SYT17: variants seen among roughly 807,000 people sequenced by gnomAD.
SYT17 encodes the protein synaptotagmin-17.
A neutral mutation model predicts 46.7 loss-of-function variants in SYT17; 22 were observed. The ratio of observed to expected loss-of-function variants is 0.47; its 90% CI spans 0.34 to 0.67. SYT17 has a LOEUF of 0.67. SYT17 is among the 30% of genes least tolerant of loss of function. The pLI is 0.01. For synonymous variants in SYT17, 251 were observed against 248.4 expected (o/e 1.01, Z -0.10); for missense variants, 519 against 612.8 (o/e 0.85, Z 1.62).
rs11379176 is a variant in SYT17 at position 19,267,107 on chromosome 16, T to TA, written c.*47dup. The TA allele has an allele frequency of 0.097, 124,208 of 1,281,826 alleles. 2,892 individuals carry two copies. The highest frequency in any genetic ancestry group is 0.33 in the African/African-American group (20,053 of 60,834). The allele number at this position is 1,281,826 out of a possible 1,614,324, so 79.4% of individuals were successfully genotyped here. The stretch of plus-strand genomic sequence containing the variant: ...GCAGGGAAGGCAGCTTTCATTTGTT[T>TA]AAAAAAAAAAAAAAAAGACGGAAAA... On this transcript the variant is annotated 3_prime_UTR_variant, in exon 8 of 8. Coordinates refer to ENST00000355377, the MANE Select transcript of SYT17 (RefSeq NM_016524.4).
intron 7 of SYT17, among the ~76,000 whole-genome samples, chr16:19,247,525 AC>A (rs545697458): frequency 0.02 from 3,040 of 152,306 alleles, 113 homozygotes; most frequent in African/African-American, 0.069. Context: ...AGCCACTGCA[AC>A]CAGCCAGTGG....
At chr16:19,210,701 A>G (rs1196848596) in intron 5 of SYT17, among the ~76,000 whole-genome samples, 1 of 152,182 alleles carries the variant, frequency 6.6e-6, no homozygotes, top group Non-Finnish European at 1.5e-5. Flanking sequence ...TGCTTTTTAA[A>G]AAATCCATTT....
At chr16:19,220,310 T>TTTTTTTC (rs1966266867) in intron 5 of SYT17, among the ~76,000 whole-genome samples, 1 of 136,624 alleles carries the variant, frequency 7.3e-6, no homozygotes, top group African/African-American at 2.8e-5. Context: ...TTTCTTTTTT[T>TTTTTTTC]TTTTTTTTTT....
At chr16:19,175,543 C>T (rs532059879) in intron 3 of SYT17, among the ~76,000 whole-genome samples, 41 of 145,108 alleles carry the variant, frequency 2.8e-4, no homozygotes, top group African/African-American at 6.1e-4. Context: ...TCCAGTTCTT[C>T]GGGAGGCTGA....
In SYT17 at chr16:19,187,903, G is replaced by T. The variant is rs564854787; in HGVS notation, c.951+3756G>T. ...GTTGGTGGGAGTGTAAATTAGTTCA[G>T]CCATAGTGGAAGACAGTGTCGCAAT... On this transcript the variant is annotated intron_variant, in intron 5 of 7. Transcript: ENST00000355377. Among the ~76,000 whole-genome samples the T allele has an allele frequency of 3.3e-5, 5 of 152,324 alleles. No homozygotes were observed. In the South Asian group the frequency reaches 1.0e-3, roughly 32 times the overall value.
chr16:19,192,064 C>T (rs1052826552), intron 5 of SYT17, among the ~76,000 whole-genome samples: 40 of 152,142 alleles, frequency 2.6e-4, no homozygotes, highest in African/African-American at 8.7e-4. Flanking sequence ...ATTACAGGCG[C>T]GAGCCACCGC....
intron 7 of SYT17, among the ~76,000 whole-genome samples, chr16:19,231,523 CAAAAAAAAA>C (rs143448107): frequency 2.6e-4 from 12 of 45,860 alleles, no homozygotes; most frequent in African/African-American, 6.4e-4. Context: ...AACTCCATCA[CAAAAAAAAA>C]AAAAAAAAAA....
chr16:19,219,906 C>T (rs1966244580), intron 5 of SYT17, among the ~76,000 whole-genome samples: 1 of 152,072 alleles, frequency 6.6e-6, no homozygotes, highest in Non-Finnish European at 1.5e-5. Context: ...ATCACTGTGA[C>T]TTATAAACCT....
intron 5 of SYT17, among the ~76,000 whole-genome samples, chr16:19,184,661 ATGTG>A (rs1210702193): frequency 6.6e-6 from 1 of 151,356 alleles, no homozygotes; most frequent in African/African-American, 2.4e-5. Flanking sequence ...TGCATCACTC[ATGTG>A]TGTGTCTTTC....
intron 7 of SYT17, among the ~76,000 whole-genome samples, chr16:19,264,978 G>A (rs1394833686): frequency 6.6e-6 from 1 of 152,164 alleles, no homozygotes; most frequent in Admixed American, 6.5e-5. Context: ...TCATTCTTGA[G>A]CTTTGGAGAG....
chr16:19,218,861 G>C (rs549725678), intron 5 of SYT17, among the ~76,000 whole-genome samples: 3 of 152,046 alleles, frequency 2.0e-5, no homozygotes, highest in Non-Finnish European at 4.4e-5. Context: ...GAGTGATGCC[G>C]GGTTTATTCC....
intron 3 of SYT17, 180 bp from the exon 4 acceptor site, chr16:19,180,211 G>A: frequency 1.7e-6 from 1 of 590,098 alleles, no homozygotes; most frequent in Non-Finnish European, 3.0e-6. Context: ...TTCACATTTT[G>A]TGCAAAAAGC....
intron 7 of SYT17, among the ~76,000 whole-genome samples, chr16:19,262,356 A>G (rs1315723465): frequency 6.6e-6 from 1 of 152,204 alleles, no homozygotes; most frequent in Non-Finnish European, 1.5e-5. Flanking sequence ...CCACCTATGA[A>G]GGAGAGCAAG....
intron 4 of SYT17, among the ~76,000 whole-genome samples, chr16:19,182,459 T>C (rs1226660026): frequency 6.6e-6 from 1 of 152,242 alleles, no homozygotes; most frequent in Non-Finnish European, 1.5e-5. Flanking sequence ...TTTATTTGCA[T>C]ATTTTAAAAG....
chr16:19,180,730 T>C (rs150012689), intron 4 of SYT17, among the ~76,000 whole-genome samples, 191 bp downstream of exon 4: 319 of 152,288 alleles, frequency 2.1e-3, no homozygotes, highest in African/African-American at 6.9e-3. Flanking sequence ...TGCTGCTGAG[T>C]TTAATCAAAA....
rs11455666 is a variant in SYT17 at position 19,186,321 on chromosome 16, TA to T, written c.951+2187del. On this transcript the variant is annotated intron_variant, in intron 5 of 7. Coordinates refer to ENST00000355377, the MANE Select transcript of SYT17 (RefSeq NM_016524.4). ...GTGACACCCTATTTCTACAAAACAT[TA>T]AAAAAAAAAAAATTAGCCAGGCATG... 9.5e-3 allele frequency among the ~76,000 whole-genome samples: 1,389 copies of T among 145,634 alleles called. 23 individuals are homozygous for T. Among genetic ancestry groups the T allele is most frequent in the African/African-American group, 0.027 (1,077 of 39,748 alleles).
intron 5 of SYT17, among the ~76,000 whole-genome samples, chr16:19,200,685 A>C (rs1315490644): frequency 6.6e-6 from 1 of 152,246 alleles, no homozygotes; most frequent in Non-Finnish European, 1.5e-5. Context: ...CAGGGTGTCC[A>C]GGGCAGGTGC....
intron 5 of SYT17, among the ~76,000 whole-genome samples, chr16:19,210,169 G>A (rs229017): frequency 0.19 from 28,607 of 151,926 alleles, 3,216 homozygotes; most frequent in Non-Finnish European, 0.25. Context: ...AGTATTTAGG[G>A]CTTCTATCAT....
chr16:19,256,556 CTATTATTATTATTATTATTAT>C (rs66644033), intron 7 of SYT17, among the ~76,000 whole-genome samples: 1 of 144,940 alleles, frequency 6.9e-6, no homozygotes, highest in East Asian at 2.0e-4. Flanking sequence ...ATGGGTGAGT[CTATTATTATTATTATTATTAT>C]TATTATTATT....
Sources: gnomAD v4.1 joint callset for allele counts (sites outside exome capture counted in the v4.1 genomes callset) on GRCh38, gnomAD v4.1.1 for gene constraint, MANE v1.5 for transcripts, NCBI Gene and HGNC (gene_info 2026-07-23, HGNC 2026-07-21) for gene names.